The following MAP7D2 variants were observed in gnomAD, a reference collection of about 807,000 sequenced individuals.
MAP7D2 encodes MAP7 domain containing 2.
A neutral mutation model predicts 63.5 loss-of-function variants in MAP7D2; 33 were observed. The ratio of observed to expected loss-of-function variants is 0.52; its 90% confidence interval spans 0.39 to 0.70. The LOEUF is 0.70. Ranked by LOEUF, MAP7D2 falls within the 30% of genes least tolerant of loss-of-function variation. The pLI, the probability that MAP7D2 is intolerant of heterozygous loss-of-function variation, is 0.00. For synonymous variants in MAP7D2, 224 were observed against 223.7 expected, an observed-to-expected ratio of 1.00 and a Z score of -0.01; for missense variants, 626 against 604.0, an observed-to-expected ratio of 1.04 and a Z score of -0.38.
chrX:20,076,161 G>A (rs552138830), intron 1 of MAP7D2, among the ~76,000 whole-genome samples: 2 of 111,436 alleles, frequency 1.8e-5, no homozygotes, highest in South Asian at 7.6e-4. Flanking sequence ...CTAGTCTAGG[G>A]ACCACGCTCT....
At chrX:20,018,941 C>T (rs1351688479) in intron 10 of MAP7D2, among the ~76,000 whole-genome samples, 2 of 111,530 alleles carry the variant, frequency 1.8e-5, no homozygotes, top group African/African-American at 3.3e-5. Context: ...TTTTCCCCAC[C>T]GCCCTCTGCC....
intron 8 of MAP7D2, among the ~76,000 whole-genome samples, chrX:20,027,876 G>T (rs1353934920): frequency 3.7e-5 from 4 of 109,041 alleles, no homozygotes; most frequent in Non-Finnish European, 5.7e-5. Flanking sequence ...GCTTGGAGGG[G>T]TAGTGTCCAA....
chrX:20,013,461 A>AT, intron 13 of MAP7D2, 108 bp downstream of exon 13: 15 of 745,564 alleles, frequency 2.0e-5, no homozygotes, highest in Admixed American at 3.3e-5. Flanking sequence ...GGAAAACTGC[A>AT]TTTTTTTCTG....
chrX:20,031,081 G>A (rs929167727), intron 8 of MAP7D2, among the ~76,000 whole-genome samples: 1 of 110,961 alleles, frequency 9.0e-6, no homozygotes, highest in Non-Finnish European at 1.9e-5. Flanking sequence ...ACGAGGTCAG[G>A]AGATCGAGAC....
At chrX:20,100,322 C>A (rs2066395203) in intron 1 of MAP7D2, among the ~76,000 whole-genome samples, 1 of 112,014 alleles carries the variant, frequency 8.9e-6, no homozygotes, top group Admixed American at 9.5e-5. Flanking sequence ...AAAAGACTGA[C>A]CATACCAAGT....
chrX:20,052,604 C>T (rs1423458625), intron 5 of MAP7D2, among the ~76,000 whole-genome samples: 1 of 112,443 alleles, frequency 8.9e-6, no homozygotes, highest in Admixed American at 9.4e-5. Context: ...AGGATAACTC[C>T]TACATGCAAT....
At chrX:20,048,320 C>A (rs1454698814) in intron 6 of MAP7D2, among the ~76,000 whole-genome samples, 2 of 111,709 alleles carry the variant, frequency 1.8e-5, no homozygotes, top group South Asian at 7.5e-4. Flanking sequence ...TAAAAAGCTT[C>A]CCTGGTTGGC....
chrX:20,072,543 T>C (rs1569114174), intron 1 of MAP7D2, among the ~76,000 whole-genome samples: 2 of 111,703 alleles, frequency 1.8e-5, no homozygotes, highest in African/African-American at 6.5e-5. Flanking sequence ...GTCAAGTTCA[T>C]GAAGGGGAAG....
intron 1 of MAP7D2, among the ~76,000 whole-genome samples, chrX:20,091,026 G>A (rs2066055155): frequency 9.2e-6 from 1 of 108,753 alleles, no homozygotes; most frequent in Non-Finnish European, 1.9e-5. Flanking sequence ...AAAACACTGT[G>A]GTATATTCAC....
In MAP7D2 at chrX:20,044,486, G is replaced by C; in HGVS notation, c.757C>G (p.Leu253Val). 8.3e-7 allele frequency: 1 copy of C among 1,210,801 alleles called. No individual in the cohort carries two copies. The highest frequency in any genetic ancestry group is 1.1e-6 in the Non-Finnish European group (1 of 894,575). Residue 253 changes from leucine (L) to valine (V), a missense_variant, in exon 7 of 17, where the codon CTT (leucine) becomes GTT (valine). Transcript: ENST00000379643. The part of the protein sequence containing the change: ...VCPRLAPLGP[L>V]NPSYKSSPTR... ...GGTGAAGACTTGTAAGAAGGGTTAAGAGGGCCAAGAGGAGCTAAACGAGGA... is the reference window on the plus strand; with the variant it reads ...GGTGAAGACTTGTAAGAAGGGTTAACAGGGCCAAGAGGAGCTAAACGAGGA...
chrX:20,057,972 C>T (rs1364718997), intron 3 of MAP7D2, among the ~76,000 whole-genome samples: 1 of 112,705 alleles, frequency 8.9e-6, no homozygotes, highest in Non-Finnish European at 1.9e-5. Flanking sequence ...GGCTTCTCCA[C>T]ATCTCAGCCT....
chrX:20,048,589 G>C (rs993912990), intron 6 of MAP7D2, among the ~76,000 whole-genome samples: 2 of 110,627 alleles, frequency 1.8e-5, no homozygotes, highest in Non-Finnish European at 3.8e-5. Flanking sequence ...TACTTGCTAG[G>C]GTTTTTTGAT....
intron 13 of MAP7D2, 23 bp downstream of exon 13, chrX:20,013,545 TA>T: frequency 8.6e-7 from 1 of 1,158,215 alleles, no homozygotes; most frequent in Non-Finnish European, 1.2e-6. Context: ...CATAAACTAT[TA>T]AAATGGTCAT....
chrX:20,072,799 G>T (rs376941861), intron 1 of MAP7D2, among the ~76,000 whole-genome samples: 2 of 111,482 alleles, frequency 1.8e-5, no homozygotes, highest in African/African-American at 6.5e-5. Flanking sequence ...ATAATATGGC[G>T]TTATACATCC....
At chrX:20,016,002 A>G (rs1603350563) in intron 11 of MAP7D2, 92 bp downstream of exon 11, 2 of 779,411 alleles carry the variant, frequency 2.6e-6, no homozygotes, top group East Asian at 6.3e-5. Context: ...AACTTCAAGT[A>G]AACATTATGA....
chrX:20,081,173 A>T (rs1193915917), intron 1 of MAP7D2, among the ~76,000 whole-genome samples: 1 of 112,517 alleles, frequency 8.9e-6, no homozygotes, highest in Non-Finnish European at 1.9e-5. Context: ...ACTGGTAAAG[A>T]GAAATTACCT....
rs1203178378 is a variant in MAP7D2, at chrX:20,010,101, C to T, written c.*26+676G>A. Among the ~76,000 whole-genome samples, 2 of 112,176 alleles carry T rather than the reference C, an allele frequency of 1.8e-5. 1 individual carries two copies. Among genetic ancestry groups the T allele is most frequent in the South Asian group, 7.4e-4 (2 of 2,711 alleles). On this transcript the variant is annotated intron_variant, in intron 16 of 16. Transcript: ENST00000379643. ...TATGTTTTCCTTATTCAAAAACAAG[C>T]CCCAAACTGAAGTAAATAAAATGTG...
At chrX:20,027,222 G>A (rs1488534548) in intron 8 of MAP7D2, among the ~76,000 whole-genome samples, 2 of 112,242 alleles carry the variant, frequency 1.8e-5, no homozygotes, top group Non-Finnish European at 3.8e-5. Flanking sequence ...TTTGTGGATG[G>A]TGCTTCGACT....
chrX:20,060,478 GAAAGA>G (rs2065193554), intron 3 of MAP7D2, among the ~76,000 whole-genome samples: 1 of 103,999 alleles, frequency 9.6e-6, no homozygotes, highest in Non-Finnish European at 2.0e-5. Context: ...AAGAAAGAAA[GAAAGA>G]AAGAAAGAGA....
Sources: allele counts gnomAD v4.1 joint callset (sites outside exome capture counted in the v4.1 genomes callset), GRCh38; gene constraint gnomAD v4.1.1; transcripts MANE v1.5; gene names NCBI Gene and HGNC (gene_info 2026-07-23, HGNC 2026-07-21).